Variants in LRP1B observed in about 807,000 individuals in gnomAD.
LRP1B encodes LDL receptor related protein 1B.
In LRP1B, 217 loss-of-function variants were observed where a neutral mutation model predicts 556.6. The observed-to-expected ratio is 0.39, with a 90% CI of 0.35 to 0.44. LRP1B has a LOEUF of 0.44. LRP1B is among the 20% of genes least tolerant of loss of function. The pLI is 1.00. For synonymous variants in LRP1B, 2,047 were observed against 1,865.8 expected (o/e 1.10, Z -2.50); for missense variants, 5,053 against 5,620.8 (o/e 0.90, Z 3.23).
intron 3 of LRP1B, among the ~76,000 whole-genome samples, chr2:141,257,336 G>T (rs775533915): frequency 1.3e-5 from 2 of 152,144 alleles, no homozygotes; most frequent in Non-Finnish European, 2.9e-5. Context: ...CTACCTTAAT[G>T]CAGGTGTATT....
chr2:140,716,733 T>G lies in LRP1B; in HGVS notation c.5842A>C (p.Ile1948Leu). ...KRDQTWKEDI[I>L]TNGLGRVEGI... is the part of the protein sequence containing the mutation. ...TCCACTCTTCCCAAGCCATTGGTAA[T>G]GATATCTTCTTTCCAAGTCTGATCT... Residue 1948 changes from isoleucine (I) to leucine (L), a missense_variant, in exon 36 of 91, where the codon ATT becomes CTT. Around this residue, in one of 5 missense-constraint regions of LRP1B, gnomAD observed 3,619 missense variants for 3,931.9 expected, o/e 0.92. Coordinates refer to ENST00000389484, the MANE Select transcript of LRP1B (RefSeq NM_018557.3). The G allele has an allele frequency of 6.2e-7, 1 of 1,611,974 alleles. No homozygotes were observed. Among genetic ancestry groups the G allele is most frequent in the Non-Finnish European group, 8.5e-7 (1 of 1,178,356 alleles).
At chr2:140,585,496 G>A (rs1261601129) in intron 43 of LRP1B, among the ~76,000 whole-genome samples, 2 of 152,038 alleles carry the variant, frequency 1.3e-5, no homozygotes, top group East Asian at 1.9e-4. Context: ...ATCTTCTTAT[G>A]TATATGAATG....
intron 3 of LRP1B, among the ~76,000 whole-genome samples, chr2:141,427,107 G>A (rs758661760): frequency 1.1e-4 from 16 of 152,058 alleles, no homozygotes; most frequent in Non-Finnish European, 1.9e-4. Context: ...TCCCACTTAT[G>A]AGTGCGAACA....
chr2:141,254,981 T>A (rs1240079035), intron 3 of LRP1B, among the ~76,000 whole-genome samples: 5 of 152,096 alleles, frequency 3.3e-5, no homozygotes, highest in African/African-American at 1.2e-4. Context: ...ATCTGACACA[T>A]CAATTGATTT....
chr2:141,451,555 C>A (rs1279601772), intron 3 of LRP1B, among the ~76,000 whole-genome samples: 1 of 152,062 alleles, frequency 6.6e-6, no homozygotes. Context: ...ATTGTCCTTG[C>A]AGAATTCACC....
chr2:141,770,398 T>C (rs1694863697), intron 2 of LRP1B, among the ~76,000 whole-genome samples: 1 of 152,224 alleles, frequency 6.6e-6, no homozygotes, highest in East Asian at 1.9e-4. Flanking sequence ...GAATATTTCT[T>C]GTATTTGACA....
intron 2 of LRP1B, among the ~76,000 whole-genome samples, chr2:141,484,056 G>A (rs903534506): frequency 3.4e-4 from 51 of 152,094 alleles, no homozygotes; most frequent in African/African-American, 1.2e-3. Flanking sequence ...TGTCCTGAAC[G>A]GTATTGCCTA....
intron 23 of LRP1B, among the ~76,000 whole-genome samples, chr2:140,895,086 G>C (rs963047347): frequency 1.3e-5 from 2 of 151,948 alleles, no homozygotes; most frequent in African/African-American, 4.8e-5. Flanking sequence ...TTGGGTAGTG[G>C]ACACAGTATA....
intron 86 of LRP1B, among the ~76,000 whole-genome samples, chr2:140,250,397 A>T (rs1170447584): frequency 2.0e-5 from 3 of 151,842 alleles, no homozygotes; most frequent in Non-Finnish European, 4.4e-5. Context: ...ACAGATACTT[A>T]TTGACTATTC....
At chr2:140,845,551 GA>G (rs556956414) in intron 29 of LRP1B, among the ~76,000 whole-genome samples, 2 of 147,106 alleles carry the variant, frequency 1.4e-5, no homozygotes, top group Non-Finnish European at 3.0e-5. Context: ...ACAGTTAAAA[GA>G]AAAAAAAACA....
chr2:140,772,726 C>T (rs1689357684), intron 33 of LRP1B, among the ~76,000 whole-genome samples: 2 of 152,098 alleles, frequency 1.3e-5, no homozygotes, highest in Admixed American at 1.3e-4. Context: ...TGTATTTCAA[C>T]TACCAAGACT....
chr2:141,194,954 C>T (rs767601874), intron 6 of LRP1B, among the ~76,000 whole-genome samples: 3 of 151,796 alleles, frequency 2.0e-5, no homozygotes, highest in Admixed American at 6.6e-5. Context: ...TATTTTAGTA[C>T]CAAAACAATA....
chr2:141,007,038 TTG>T (rs1364222815), intron 14 of LRP1B, among the ~76,000 whole-genome samples: 1 of 151,950 alleles, frequency 6.6e-6, no homozygotes, highest in Non-Finnish European at 1.5e-5. Context: ...ATGTTGCAGC[TTG>T]TTGAAAGCAT....
rs1219772411 is a variant in LRP1B, at chr2:140,893,524, A to G, written c.3767-7189T>C. On this transcript the variant is annotated intron_variant, in intron 23 of 90. Coordinates refer to ENST00000389484, the MANE Select transcript of LRP1B (RefSeq NM_018557.3). ...TAACATCTCTTAGCCACAACCTCTCACCCTGAGCAAATCAAGTAACCTTTC... is the reference window on the plus strand; with the variant it reads ...TAACATCTCTTAGCCACAACCTCTCGCCCTGAGCAAATCAAGTAACCTTTC... Among the ~76,000 whole-genome samples the G allele has an allele frequency of 1.7e-4, 26 of 152,164 alleles. 1 individual carries two copies. The highest frequency in any genetic ancestry group is 1.3e-4 in the Admixed American group (2 of 15,270).
chr2:141,141,562 G>A (rs79566461), intron 7 of LRP1B, among the ~76,000 whole-genome samples: 465 of 152,258 alleles, frequency 3.1e-3, no homozygotes, highest in Non-Finnish European at 5.7e-3. Context: ...TTTTGCCAAA[G>A]TTTTATCATC....
intron 1 of LRP1B, among the ~76,000 whole-genome samples, chr2:141,944,511 C>G (rs920372398): frequency 6.6e-6 from 1 of 152,088 alleles, no homozygotes; most frequent in Non-Finnish European, 1.5e-5. Context: ...CCAAGGAATG[C>G]TTTGAGACCC....
chr2:140,399,992 G>A (rs1294478779), intron 66 of LRP1B, among the ~76,000 whole-genome samples: 2 of 152,154 alleles, frequency 1.3e-5, no homozygotes, highest in Non-Finnish European at 2.9e-5. Flanking sequence ...GCTTTGGTTG[G>A]TAATTTGTGG....
At chr2:141,122,322 G>A (rs1249716981) in intron 7 of LRP1B, among the ~76,000 whole-genome samples, 6 of 151,368 alleles carry the variant, frequency 4.0e-5, no homozygotes, top group African/African-American at 4.9e-5. Context: ...GCAACCTACA[G>A]AATGGGAGAA....
chr2:140,254,464 G>A (rs896709897), intron 86 of LRP1B, among the ~76,000 whole-genome samples: 4 of 152,088 alleles, frequency 2.6e-5, no homozygotes, highest in Admixed American at 2.6e-4. Flanking sequence ...ACATACAAAC[G>A]GTGATCAGAT....
Sources: gnomAD v4.1 joint callset for allele counts (sites outside exome capture counted in the v4.1 genomes callset) on GRCh38, gnomAD v4.1.1 for gene constraint, gnomAD v4.1.1 regional missense constraint, MANE v1.5 for transcripts, NCBI Gene and HGNC (gene_info 2026-07-23, HGNC 2026-07-21) for gene names.